Variants in ERC1 observed in about 807,000 individuals in gnomAD.
The protein encoded by ERC1 is ELKS/RAB6-interacting/CAST family member 1, also known as RAB6 interacting protein 2.
ERC1 carries 56 observed loss-of-function variants against 132.0 expected under a neutral mutation model. The ratio of observed to expected loss-of-function variants is 0.42; its 90% CI spans 0.34 to 0.53. The LOEUF (loss-of-function observed/expected upper bound fraction) is 0.53. Ranked by LOEUF, ERC1 falls within the 20% of genes least tolerant of loss-of-function variation. ERC1 has a pLI of 0.03. For missense variants in ERC1, 1,202 were observed against 1,349.9 expected (o/e 0.89, Z 1.72); for synonymous variants, 478 against 476.1 (o/e 1.00, Z -0.05).
chr12:1,092,694 C>T (rs1943406255), intron 3 of ERC1, among the ~76,000 whole-genome samples: 1 of 152,242 alleles, frequency 6.6e-6, no homozygotes, highest in Non-Finnish European at 1.5e-5. Context: ...GGTGCAATGG[C>T]TCACGTCTGT....
intron 3 of ERC1, among the ~76,000 whole-genome samples, chr12:1,095,264 T>A (rs532822626): frequency 8.5e-4 from 130 of 152,116 alleles, no homozygotes; most frequent in Middle Eastern, 3.4e-3. Flanking sequence ...ATGCCGTCTC[T>A]ACTAAAAATA....
intron 16 of ERC1, among the ~76,000 whole-genome samples, chr12:1,406,993 C>T (rs753584284): frequency 7.2e-5 from 11 of 152,126 alleles, no homozygotes; most frequent in Non-Finnish European, 1.5e-4. Flanking sequence ...ACTAGTGTAA[C>T]ATATTGCTGT....
intron 12 of ERC1, among the ~76,000 whole-genome samples, chr12:1,199,994 A>G (rs1956757951): frequency 6.6e-6 from 1 of 151,494 alleles, no homozygotes; most frequent in African/African-American, 2.4e-5. Flanking sequence ...TGGGAGTGTT[A>G]TTTGCACATG....
intron 3 of ERC1, among the ~76,000 whole-genome samples, chr12:1,094,228 AG>A (rs1381779426): frequency 1.3e-5 from 2 of 151,456 alleles, no homozygotes; most frequent in Non-Finnish European, 2.9e-5. Flanking sequence ...CTTGTTGGCC[AG>A]GCTGGTCTCA....
chr12:1,200,661 C>T (rs900455226), intron 12 of ERC1, among the ~76,000 whole-genome samples: 3 of 152,062 alleles, frequency 2.0e-5, no homozygotes, highest in African/African-American at 7.2e-5. Context: ...CGGGTTCACA[C>T]CATTCTCCTG....
At position 1,027,836 on chromosome 12, in the gene ERC1, C is replaced by A; in HGVS notation, c.-68C>A. On this transcript the variant is annotated 5_prime_UTR_variant, in exon 2 of 19. Coordinates refer to ENST00000360905, the MANE Select transcript of ERC1 (RefSeq NM_178040.4). ...CCAACTTGTAGCCATAGAGACACCTCACAAGGTTCCCATTTTTGTTGTTGT... is the reference window on the plus strand; with the variant it reads ...CCAACTTGTAGCCATAGAGACACCTAACAAGGTTCCCATTTTTGTTGTTGT... 7.0e-7 allele frequency: 1 copy of A among 1,437,654 alleles called. No individual in the cohort carries two copies. Among genetic ancestry groups the A allele is most frequent in the Non-Finnish European group, 9.5e-7 (1 of 1,055,356 alleles). The allele number at this position is 1,437,654 out of a possible 1,614,324, so 89.1% of individuals were successfully genotyped here.
rs1271654717 is a variant in ERC1, at chr12:1,490,998, T to G, written c.*768T>G. The G allele has an allele frequency of 4.3e-6, 1 of 232,768 alleles. No homozygotes were observed. The highest frequency in any genetic ancestry group is 5.6e-5 in the Admixed American group (1 of 17,772). The allele number at this position is 232,768 out of a possible 1,614,324, so 14.4% of individuals were successfully genotyped here. On this transcript the variant is annotated 3_prime_UTR_variant, in exon 19 of 19. Coordinates refer to ENST00000360905, the MANE Select transcript of ERC1 (RefSeq NM_178040.4). ...CTGTTGACGTTATCATACTGAGGTG[T>G]TAGATCAAATATCTCTAATTGAAGA...
intron 14 of ERC1, among the ~76,000 whole-genome samples, chr12:1,285,229 G>T (rs2078966134): frequency 6.6e-6 from 1 of 152,076 alleles, no homozygotes; most frequent in Non-Finnish European, 1.5e-5. Context: ...TCAGGTCAGG[G>T]GATGAACAGG....
At chr12:1,482,648 T>C (rs2094116036) in intron 18 of ERC1, among the ~76,000 whole-genome samples, 2 of 152,090 alleles carry the variant, frequency 1.3e-5, no homozygotes, top group Admixed American at 1.3e-4. Context: ...GGTTTCACCA[T>C]GTTGGGTAGG....
intron 1 of ERC1, among the ~76,000 whole-genome samples, chr12:995,588 A>AGCTTCTTT: frequency 6.6e-6 from 1 of 152,282 alleles, no homozygotes; most frequent in African/African-American, 2.4e-5. Flanking sequence ...GGCTGTTTTC[A>AGCTTCTTT]GCTTCTTTGT....
chr12:1,234,953 C>T (rs565013325), intron 12 of ERC1, among the ~76,000 whole-genome samples: 2 of 152,030 alleles, frequency 1.3e-5, no homozygotes, highest in South Asian at 2.1e-4. Context: ...ATGACTGCAA[C>T]GTGAAAGACA....
chr12:1,062,451 T>G (rs1938214155), intron 2 of ERC1, among the ~76,000 whole-genome samples: 1 of 152,154 alleles, frequency 6.6e-6, no homozygotes. Context: ...TCGGTTTTTT[T>G]TCCAACAAAT....
At chr12:1,120,629 A>C (rs1946975047) in intron 7 of ERC1, among the ~76,000 whole-genome samples, 1 of 152,210 alleles carries the variant, frequency 6.6e-6, no homozygotes, top group African/African-American at 2.4e-5. Flanking sequence ...TTTCAGGATG[A>C]ATTCTCAATG....
chr12:1,059,643 G>A (rs1029599093), intron 2 of ERC1, among the ~76,000 whole-genome samples: 12 of 151,988 alleles, frequency 7.9e-5, no homozygotes, highest in Non-Finnish European at 1.5e-4. Flanking sequence ...TACATTTATC[G>A]TTTTGTGTAT....
chr12:1,083,610 T>C (rs1036597579), intron 3 of ERC1, 30 bp downstream of exon 3: 6 of 1,522,322 alleles, frequency 3.9e-6, no homozygotes, highest in African/African-American at 1.4e-5. Flanking sequence ...GTTTTATGAT[T>C]TGTTGGTTAT....
chr12:1,456,591 G>C (rs111543511), intron 18 of ERC1, among the ~76,000 whole-genome samples: 2 of 152,088 alleles, frequency 1.3e-5, no homozygotes, highest in African/African-American at 4.8e-5. Context: ...TCTCTTCAAG[G>C]TAATTTTCTT....
intron 8 of ERC1, among the ~76,000 whole-genome samples, chr12:1,163,850 G>C (rs2154261964): frequency 6.6e-6 from 1 of 152,210 alleles, no homozygotes; most frequent in East Asian, 1.9e-4. Flanking sequence ...CTAGTAGCTG[G>C]GATTACAGGC....
At chr12:1,016,277 T>C (rs910257469) in intron 1 of ERC1, among the ~76,000 whole-genome samples, 5 of 152,268 alleles carry the variant, frequency 3.3e-5, no homozygotes, top group African/African-American at 9.6e-5. Flanking sequence ...ACATCTGTGT[T>C]AGCCTAGTCC....
chr12:1,289,925 C>G lies in ERC1; in HGVS notation c.2693C>G (p.Thr898Ser). The G allele has an allele frequency of 6.2e-7, 1 of 1,613,858 alleles. No individual in the cohort carries two copies. The highest frequency in any genetic ancestry group is 8.5e-7 in the Non-Finnish European group (1 of 1,179,754). Residue 898 changes from threonine (T) to serine (S), a missense_variant, in exon 15 of 19, where the codon ACC becomes AGC. Physicochemically the swap from Thr to Ser is moderately conservative, Grantham distance 58 (BLOSUM62 1). Transcript: ENST00000360905. ...TCCATGAAAGCAAAGCTGTCCTCCA[C>G]CCAGCAGTCTCTGGCAGAAAAGGAA... ...LESMKAKLSS[T>S]QQSLAEKETH... is the part of the protein sequence containing the mutation.
Sources: allele counts gnomAD v4.1 joint callset (sites outside exome capture counted in the v4.1 genomes callset), GRCh38; gene constraint gnomAD v4.1.1; transcripts MANE v1.5; gene names NCBI Gene and HGNC (gene_info 2026-07-23, HGNC 2026-07-21).